Variants in ROBO2 observed in about 807,000 individuals in gnomAD.
ROBO2 encodes roundabout homolog 2.
In ROBO2, 53 loss-of-function variants were observed where a neutral mutation model predicts 160.8. The observed-to-expected ratio is 0.33, with a 90% CI of 0.26 to 0.41. The LOEUF (loss-of-function observed/expected upper bound fraction) is 0.41. Ranked by LOEUF, ROBO2 falls within the 10% of genes least tolerant of loss-of-function variation. The pLI is 1.00. For synonymous variants in ROBO2, 664 were observed against 611.7 expected, an observed-to-expected ratio of 1.09 and a Z score of -1.26; for missense variants, 1,577 against 1,722.4, an observed-to-expected ratio of 0.92 and a Z score of 1.49.
chr3:76,315,124 G>A (rs2107815024), intron 2 of ROBO2, among the ~76,000 whole-genome samples: 1 of 152,238 alleles, frequency 6.6e-6, no homozygotes, highest in Non-Finnish European at 1.5e-5. Flanking sequence ...AAACTAAGAG[G>A]GGGAATTAGA....
At chr3:76,645,989 C>T (rs754428649) in intron 2 of ROBO2, among the ~76,000 whole-genome samples, 43 of 152,230 alleles carry the variant, frequency 2.8e-4, no homozygotes, top group Admixed American at 1.2e-3. Flanking sequence ...GTATTCAAGG[C>T]TTGGGCATAA....
intron 2 of ROBO2, among the ~76,000 whole-genome samples, chr3:76,034,344 A>G (rs2067029822): frequency 6.6e-6 from 1 of 152,180 alleles, no homozygotes; most frequent in South Asian, 2.1e-4. Context: ...CTCCTCAAGT[A>G]GCTTAGCTGG....
chr3:77,343,827 A>T (rs2067328980), intron 2 of ROBO2, among the ~76,000 whole-genome samples: 1 of 152,174 alleles, frequency 6.6e-6, no homozygotes, highest in African/African-American at 2.4e-5. Flanking sequence ...CAAACCAAAC[A>T]CATGGGTGAA....
intron 2 of ROBO2, among the ~76,000 whole-genome samples, chr3:77,464,609 A>G (rs1361330631): frequency 1.3e-5 from 2 of 152,176 alleles, no homozygotes; most frequent in Non-Finnish European, 2.9e-5. Context: ...TATTAATAGT[A>G]CTTCCTTAGG....
chr3:76,230,543 C>T (rs17140530), intron 2 of ROBO2, among the ~76,000 whole-genome samples: 130,133 of 152,088 alleles, frequency 0.86, 56,001 homozygotes, highest in Non-Finnish European at 0.91. Flanking sequence ...CTGCGTTCCT[C>T]GGTATACCCA....
chr3:77,613,048 A>T (rs1181923615), intron 21 of ROBO2, among the ~76,000 whole-genome samples: 1 of 152,232 alleles, frequency 6.6e-6, no homozygotes, highest in Non-Finnish European at 1.5e-5. Flanking sequence ...TAATGCATTA[A>T]GCAATGTATT....
At chr3:76,002,170 A>G (rs1339256800) in intron 2 of ROBO2, among the ~76,000 whole-genome samples, 1 of 152,178 alleles carries the variant, frequency 6.6e-6, no homozygotes, top group Non-Finnish European at 1.5e-5. Context: ...CAGATGACCA[A>G]GTTAGGATGA....
chr3:76,163,308 G>A (rs925301738), intron 2 of ROBO2, among the ~76,000 whole-genome samples: 2 of 151,556 alleles, frequency 1.3e-5, no homozygotes, highest in African/African-American at 4.8e-5. Context: ...TATTTGTTAG[G>A]TTAGAGAATT....
chr3:76,955,845 T>G (rs2079211615), intron 2 of ROBO2, among the ~76,000 whole-genome samples: 1 of 151,084 alleles, frequency 6.6e-6, no homozygotes, highest in Admixed American at 6.6e-5. Context: ...GGAGAATCCC[T>G]TGAACCCGGG....
intron 2 of ROBO2, among the ~76,000 whole-genome samples, chr3:77,187,896 G>C (rs1402183112): frequency 1.3e-5 from 2 of 151,734 alleles, no homozygotes; most frequent in Non-Finnish European, 2.9e-5. Flanking sequence ...ACTCAGTAAG[G>C]GATGAAAGTT....
At chr3:76,254,183 G>T (rs1244426708) in intron 2 of ROBO2, among the ~76,000 whole-genome samples, 3 of 151,968 alleles carry the variant, frequency 2.0e-5, no homozygotes, top group African/African-American at 7.2e-5. Flanking sequence ...AATTTGAGAA[G>T]CAAGATCTGG....
intron 2 of ROBO2, among the ~76,000 whole-genome samples, chr3:76,027,239 C>T (rs2107689120): frequency 6.6e-6 from 1 of 151,948 alleles, no homozygotes; most frequent in East Asian, 1.9e-4. Flanking sequence ...GTAAGTATAA[C>T]TCAATTAAAG....
At chr3:77,178,061 G>C (rs565637987) in intron 2 of ROBO2, among the ~76,000 whole-genome samples, 1 of 152,092 alleles carries the variant, frequency 6.6e-6, no homozygotes, top group East Asian at 1.9e-4. Flanking sequence ...CCTGGGGAAA[G>C]AGCTCGATTG....
At chr3:77,051,129 C>G (rs761140365) in intron 1 of ROBO2, among the ~76,000 whole-genome samples, 1 of 152,054 alleles carries the variant, frequency 6.6e-6, no homozygotes, top group East Asian at 1.9e-4. Context: ...CCAGATTTAA[C>G]TGGGTTATTC....
intron 2 of ROBO2, among the ~76,000 whole-genome samples, chr3:77,299,027 A>G (rs1324821825): frequency 1.3e-5 from 2 of 152,198 alleles, no homozygotes; most frequent in African/African-American, 4.8e-5. Context: ...TGAAAAAGGT[A>G]GAATTTAAAT....
chr3:76,005,922 T>C (rs953459152), intron 2 of ROBO2, among the ~76,000 whole-genome samples: 1 of 152,176 alleles, frequency 6.6e-6, no homozygotes, highest in Non-Finnish European at 1.5e-5. Flanking sequence ...TAGGGAGATA[T>C]AAATTTCTGG....
intron 24 of ROBO2, among the ~76,000 whole-genome samples, chr3:77,636,740 T>C (rs1375664114): frequency 6.6e-6 from 1 of 152,220 alleles, no homozygotes; most frequent in East Asian, 1.9e-4. Flanking sequence ...TTTATTTATA[T>C]ATAGCATCCA....
intron 2 of ROBO2, among the ~76,000 whole-genome samples, chr3:76,331,654 A>G (rs190559686): frequency 5.3e-4 from 80 of 151,860 alleles, no homozygotes; most frequent in Middle Eastern, 3.4e-3. Context: ...GGGAAACATT[A>G]ATATTTGTTA....
intron 2 of ROBO2, among the ~76,000 whole-genome samples, chr3:76,702,567 A>C (rs1177244358): frequency 6.6e-6 from 1 of 151,752 alleles, no homozygotes; most frequent in African/African-American, 2.4e-5. Context: ...AAGAGAGAGA[A>C]TTAGAAATGA....
Sources: gnomAD v4.1 joint callset for allele counts (sites outside exome capture counted in the v4.1 genomes callset) on GRCh38, gnomAD v4.1.1 for gene constraint, MANE v1.5 for transcripts, NCBI Gene and HGNC (gene_info 2026-07-23, HGNC 2026-07-21) for gene names.